Variants in ALDOB observed in about 807,000 individuals in gnomAD.
The protein encoded by ALDOB is aldolase, fructose-bisphosphate B.
ALDOB carries 39 observed loss-of-function variants against 41.0 expected under a neutral mutation model. The observed-to-expected ratio is 0.95, with a 90% CI of 0.74 to 1.24. ALDOB has a LOEUF of 1.24. Ranked by LOEUF, ALDOB falls within the 50% of genes most tolerant of loss-of-function variation. The pLI, the probability that ALDOB is intolerant of heterozygous loss-of-function variation, is 0.00. For synonymous variants in ALDOB, 175 were observed against 168.8 expected, an observed-to-expected ratio of 1.04 and a Z score of -0.28; for missense variants, 530 against 457.3, an observed-to-expected ratio of 1.16 and a Z score of -1.45.
chr9:101,427,149 G>A (rs1451130890), intron 5 of ALDOB, among the ~76,000 whole-genome samples: 1 of 152,212 alleles, frequency 6.6e-6, no homozygotes, highest in Non-Finnish European at 1.5e-5. Flanking sequence ...AGGAATCTAA[G>A]AGGATCATGT....
chr9:101,423,193 T>G (rs908389703), intron 8 of ALDOB, among the ~76,000 whole-genome samples: 3 of 152,192 alleles, frequency 2.0e-5, no homozygotes, highest in African/African-American at 7.2e-5. Flanking sequence ...CCTGGGGCCT[T>G]CCTTCCCTTT....
In ALDOB at chr9:101,427,591, T is replaced by C. The variant is rs1177956611; in HGVS notation, c.431A>G (p.Asp144Gly). The change falls in exon 5 of 9, where the codon GAC (aspartate) becomes GGC (glycine). Residue 144 changes from aspartate to glycine, a missense_variant. Transcript: ENST00000647789. ...CAGCACAGCACGCCACTTCCCAAAG[T>C]CAACACCATCTTTCTTGTACTGAGC... ...RCAQYKKDGV[D>G]FGKWRAVLRI... is the part of the protein sequence containing the mutation. 1.2e-6 allele frequency: 2 copies of C among 1,614,078 alleles called. No individual in the cohort carries two copies. Among genetic ancestry groups the C allele is most frequent in the Admixed American group, 3.3e-5 (2 of 60,002 alleles).
At chr9:101,425,659 T>A in intron 6 of ALDOB, 32 bp from the exon 7 acceptor site, 3 of 1,611,780 alleles carry the variant, frequency 1.9e-6, no homozygotes, top group Non-Finnish European at 2.5e-6. Flanking sequence ...CAGGTGAAAC[T>A]CAAAGCTAGT....
rs116643515 is a variant in ALDOB, at chr9:101,434,922, C to T, written c.-11+787G>A. The stretch of plus-strand genomic sequence containing the variant: ...GTGCATCCAAATTGTCTAATGGAGC[C>T]CTAGGTAACTATTTAAAGAGAAGTT... On this transcript the variant is annotated intron_variant, in intron 1 of 8. Transcript: ENST00000647789. 2.5e-3 allele frequency among the ~76,000 whole-genome samples: 379 copies of T among 152,066 alleles called. 2 individuals are homozygous for T. Among genetic ancestry groups the T allele is most frequent in the African/African-American group, 8.2e-3 (338 of 41,458 alleles).
intron 1 of ALDOB, among the ~76,000 whole-genome samples, chr9:101,432,447 A>T (rs1426636339): frequency 6.6e-6 from 1 of 152,188 alleles, no homozygotes; most frequent in Non-Finnish European, 1.5e-5. Flanking sequence ...GAAAAAAGCC[A>T]ACCTGGGTGT....
chr9:101,422,012 C>A (rs1386274554), intron 8 of ALDOB, 108 bp from the exon 9 acceptor site: 5 of 899,848 alleles, frequency 5.6e-6, no homozygotes, highest in Non-Finnish European at 9.0e-6. Context: ...AGATTTTCTT[C>A]TTTTTACAGC....
chr9:101,421,883 C>T lies in ALDOB; in HGVS notation c.1021G>A (p.Gly341Arg), dbSNP rs763044110. 1 of 1,613,976 alleles carries T rather than the reference C, an allele frequency of 6.2e-7. No homozygotes were observed. The highest frequency in any genetic ancestry group is 2.2e-5 in the East Asian group (1 of 44,868). The stretch of plus-strand genomic sequence containing the variant: ...GAAGAACCCGTGTGAACATACTGTC[C>T]TTTGGCCGCCTGGCAGTTAGCCTAG... ...RAMANCQAAK[G>R]QYVHTGSSGA... Residue 341 changes from glycine to arginine, a missense_variant, in exon 9 of 9, where the codon GGA becomes AGA. Transcript: ENST00000647789.
rs754570126 is a variant in ALDOB at position 101,427,641 on chromosome 9, C to G, written c.381G>C (p.Gly127=). The change falls in exon 5 of 9, where the codon GGG becomes GGC. Residue 127 remains glycine, a splice_region_variant and synonymous_variant. Coordinates refer to ENST00000647789, the MANE Select transcript of ALDOB (RefSeq NM_000035.4). ...AGTNKETTIQ[G]LDGLSERCAQ... is the part of the protein sequence containing the mutation. ...CACAGCGCTCTGAGAGGCCATCAAG[C>G]CCTGCAAGTCACAAAAGAGAGAAAG... The G allele has an allele frequency of 6.2e-7, 1 of 1,613,998 alleles. No individual in the cohort carries two copies. Among genetic ancestry groups the G allele is most frequent in the Non-Finnish European group, 8.5e-7 (1 of 1,180,024 alleles).
chr9:101,430,737 AAT>A, intron 2 of ALDOB, 37 bp downstream of exon 2: 1 of 1,466,442 alleles, frequency 6.8e-7, no homozygotes, highest in Non-Finnish European at 9.6e-7. Context: ...TAGAAAAAAT[AAT>A]ATGTTGTTAT....
At chr9:101,422,918 C>G (rs1831069573) in intron 8 of ALDOB, among the ~76,000 whole-genome samples, 1 of 152,106 alleles carries the variant, frequency 6.6e-6, no homozygotes, top group African/African-American at 2.4e-5. Context: ...ATCATGACAA[C>G]AAAACCAAAA....
chr9:101,429,710 T>A (rs1351743175), intron 3 of ALDOB, 45 bp downstream of exon 3: 4 of 1,574,962 alleles, frequency 2.5e-6, no homozygotes, highest in Non-Finnish European at 3.5e-6. Flanking sequence ...TGCTTGGAGT[T>A]TGCCTAGGAC....
Position 101,420,621 on chromosome 9 carries a change from C to T in ALDOB, c.*1188G>A, listed in dbSNP as rs1189099785. ...GATATATATTTTTATGATTTACATC[C>T]ATTTCTTTTATTACTTAAATAGAAT... On this transcript the variant is annotated 3_prime_UTR_variant, in exon 9 of 9. Transcript: ENST00000647789. 1 of 152,080 alleles carries T rather than the reference C, an allele frequency of 6.6e-6. No homozygotes were observed. 9.4% of individuals were successfully genotyped at this position (152,080 alleles called of 1,614,324 possible).
intron 8 of ALDOB, among the ~76,000 whole-genome samples, chr9:101,423,569 C>T (rs1290606976): frequency 6.6e-6 from 1 of 152,220 alleles, no homozygotes; most frequent in Admixed American, 6.5e-5. Context: ...CAGATACCCT[C>T]AACTGTAATC....
At chr9:101,422,676 A>G (rs2118335347) in intron 8 of ALDOB, among the ~76,000 whole-genome samples, 1 of 152,328 alleles carries the variant, frequency 6.6e-6, no homozygotes, top group Non-Finnish European at 1.5e-5. Context: ...GGCAGAAGGA[A>G]TAAGTTCTAG....
intron 6 of ALDOB, among the ~76,000 whole-genome samples, 166 bp downstream of exon 6, chr9:101,426,389 C>A (rs1831128725): frequency 6.6e-6 from 1 of 152,168 alleles, no homozygotes; most frequent in Non-Finnish European, 1.5e-5. Flanking sequence ...ATGGAGTATA[C>A]CATGTGCCAA....
chr9:101,425,500 A>G lies in ALDOB; in HGVS notation c.752T>C (p.Met251Thr), dbSNP rs1168825231. 6.2e-7 allele frequency: 1 copy of G among 1,614,186 alleles called. No homozygotes were observed. The highest frequency in any genetic ancestry group is 8.5e-7 in the Non-Finnish European group (1 of 1,180,032). Residue 251 changes from methionine (M) to threonine (T), a missense_variant, in exon 7 of 9, where the codon ATG becomes ACG. Transcript: ENST00000647789. ...TKKYTPEQVA[M>T]ATVTALHRTV... ...ACGGTGGAGAGCTGTTACGGTGGCC[A>G]TAGCTACTTGTTCTGGAGTATACTT...
intron 3 of ALDOB, among the ~76,000 whole-genome samples, chr9:101,429,007 T>C (rs928084354): frequency 6.6e-6 from 1 of 152,226 alleles, no homozygotes; most frequent in African/African-American, 2.4e-5. Flanking sequence ...GGATACTAGT[T>C]TTCACTTTTG....
intron 5 of ALDOB, among the ~76,000 whole-genome samples, 177 bp from the exon 6 acceptor site, chr9:101,426,815 G>A (rs529263838): frequency 2.7e-3 from 406 of 152,238 alleles, no homozygotes; most frequent in Admixed American, 4.3e-3. Flanking sequence ...ATACAAACCC[G>A]TAATTACTGT....
rs555823408 is a variant in ALDOB at position 101,421,575 on chromosome 9, G to T, written c.*234C>A. 6 of 578,702 alleles carry T rather than the reference G, an allele frequency of 1.0e-5. No individual in the cohort carries two copies. In the African/African-American group the frequency reaches 1.1e-4, roughly 11 times the overall value. 35.8% of individuals were successfully genotyped at this position (578,702 alleles called of 1,614,324 possible). On this transcript the variant is annotated 3_prime_UTR_variant, in exon 9 of 9. Transcript: ENST00000647789. Reference sequence around the variant, plus strand: ...TTGGGTGGGTATTCTGGAGCATGGGGAGCTGAAAGTGTTGCAAGGAAACTG... The same window carrying T: ...TTGGGTGGGTATTCTGGAGCATGGGTAGCTGAAAGTGTTGCAAGGAAACTG...
Sources: allele counts gnomAD v4.1 joint callset (sites outside exome capture counted in the v4.1 genomes callset), GRCh38; gene constraint gnomAD v4.1.1; transcripts MANE v1.5; gene names NCBI Gene and HGNC (gene_info 2026-07-23, HGNC 2026-07-21).